GRB2: variants seen among roughly 807,000 people sequenced by gnomAD.
GRB2 encodes growth factor receptor-bound protein 2.
In GRB2, 2 loss-of-function variants were observed where a neutral mutation model predicts 27.4. The ratio of observed to expected loss-of-function variants is 0.07; its 90% CI spans 0.03 to 0.23. GRB2 has a LOEUF of 0.23. GRB2 is among the 10% of genes least tolerant of loss of function. GRB2 has a pLI of 1.00. For missense variants in GRB2, 102 were observed against 282.4 expected, an observed-to-expected ratio of 0.36 and a Z score of 4.58; for synonymous variants, 94 against 99.6, an observed-to-expected ratio of 0.94 and a Z score of 0.33.
At chr17:75,344,416 G>C (rs971084697) in intron 2 of GRB2, 3 of 135,704 alleles carry the variant, frequency 2.2e-5, no homozygotes, top group African/African-American at 8.6e-5. Flanking sequence ...TTTTCAGACA[G>C]AGTCTTGCTT....
At chr17:75,365,773 G>C (rs902020389) in intron 2 of GRB2, among the ~76,000 whole-genome samples, 1 of 152,186 alleles carries the variant, frequency 6.6e-6, no homozygotes, top group Admixed American at 6.5e-5. Context: ...TTAATAACCA[G>C]TGGGTGCCCA....
At chr17:75,337,901 CTAT>C (rs71361670) in intron 2 of GRB2, among the ~76,000 whole-genome samples, 1,677 of 117,096 alleles carry the variant, frequency 0.014, 14 homozygotes, top group South Asian at 0.055. Flanking sequence ...ACTACTACTA[CTAT>C]TATTATTATT....
chr17:75,321,590 C>A, intron 5 of GRB2, 69 bp downstream of exon 5: 1 of 1,469,326 alleles, frequency 6.8e-7, no homozygotes, highest in Non-Finnish European at 9.4e-7. Flanking sequence ...CTCCCCTTTC[C>A]TACAGGAATG....
intron 2 of GRB2, among the ~76,000 whole-genome samples, chr17:75,392,076 T>C (rs1211818615): frequency 6.6e-6 from 1 of 152,200 alleles, no homozygotes. Context: ...AAGTGGGTTA[T>C]CTACAGAAAA....
At chr17:75,354,184 T>C (rs982732363) in intron 2 of GRB2, among the ~76,000 whole-genome samples, 1 of 149,280 alleles carries the variant, frequency 6.7e-6, no homozygotes, top group Non-Finnish European at 1.5e-5. Context: ...TGAACAGCAT[T>C]TTCCCTCAGA....
chr17:75,338,009 C>G (rs2078592937), intron 2 of GRB2, among the ~76,000 whole-genome samples: 1 of 149,426 alleles, frequency 6.7e-6, no homozygotes, highest in Non-Finnish European at 1.5e-5. Flanking sequence ...CGGCTCACTG[C>G]AACCTCCGCC....
At chr17:75,375,365 T>C (rs2145858229) in intron 2 of GRB2, among the ~76,000 whole-genome samples, 1 of 144,816 alleles carries the variant, frequency 6.9e-6, no homozygotes, top group East Asian at 2.1e-4. Flanking sequence ...GGTAGTTAAA[T>C]CCATTTGAAC....
chr17:75,403,565 G>A (rs2079077859), intron 1 of GRB2, among the ~76,000 whole-genome samples: 1 of 151,938 alleles, frequency 6.6e-6, no homozygotes, highest in South Asian at 2.1e-4. Context: ...AGGAATTCGA[G>A]ACCAGCCTGG....
chr17:75,402,291 G>C (rs183247282), intron 1 of GRB2, among the ~76,000 whole-genome samples: 1 of 152,086 alleles, frequency 6.6e-6, no homozygotes, highest in Non-Finnish European at 1.5e-5. Context: ...AAAATCTTTC[G>C]TCTGAGTCTA....
chr17:75,328,055 C>A (rs1382020083), intron 3 of GRB2, among the ~76,000 whole-genome samples: 2 of 152,122 alleles, frequency 1.3e-5, no homozygotes, highest in African/African-American at 4.8e-5. Context: ...GGGCCCGGTA[C>A]CTCATGCCTG....
intron 2 of GRB2, among the ~76,000 whole-genome samples, chr17:75,351,032 G>C (rs55805625): frequency 0.053 from 8,080 of 152,124 alleles, 296 homozygotes; most frequent in Middle Eastern, 0.13. Context: ...TAGGATGATG[G>C]TTCTGGCTTG....
chr17:75,367,784 G>A (rs1182911748), intron 2 of GRB2, among the ~76,000 whole-genome samples: 1 of 151,914 alleles, frequency 6.6e-6, no homozygotes, highest in African/African-American at 2.4e-5. Flanking sequence ...TATTTCCTCG[G>A]CCTCAAAGCC....
At chr17:75,374,027 C>A (rs1333373736) in intron 2 of GRB2, among the ~76,000 whole-genome samples, 1 of 151,578 alleles carries the variant, frequency 6.6e-6, no homozygotes, top group Non-Finnish European at 1.5e-5. Context: ...AATCTCCTGA[C>A]CTCACGATCC....
chr17:75,404,860 T>C (rs1449963580), intron 1 of GRB2: 1 of 152,174 alleles, frequency 6.6e-6, no homozygotes, highest in East Asian at 1.9e-4. Context: ...GAGGGCGCGC[T>C]GCAAATGAAA....
chr17:75,366,358 A>G (rs1000402867), intron 2 of GRB2, among the ~76,000 whole-genome samples: 5 of 152,190 alleles, frequency 3.3e-5, no homozygotes, highest in African/African-American at 1.2e-4. Flanking sequence ...TTTTTCTAAA[A>G]GGCAAGTTAT....
intron 2 of GRB2, among the ~76,000 whole-genome samples, chr17:75,334,978 G>C (rs2078567249): frequency 6.6e-6 from 1 of 151,566 alleles, no homozygotes; most frequent in South Asian, 2.1e-4. Context: ...TCAGCCTCCT[G>C]AGTACCTGGG....
At chr17:75,324,803 CA>C (rs1253394723) in intron 4 of GRB2, among the ~76,000 whole-genome samples, 1 of 152,042 alleles carries the variant, frequency 6.6e-6, no homozygotes, top group Non-Finnish European at 1.5e-5. Context: ...TGGCTGGAAG[CA>C]GTGGCTCCAG....
At chr17:75,364,631 C>T (rs778610984) in intron 2 of GRB2, among the ~76,000 whole-genome samples, 46 of 152,146 alleles carry the variant, frequency 3.0e-4, no homozygotes, top group Admixed American at 2.1e-3. Context: ...CAAAGATCAT[C>T]GTCCATACTA....
At chr17:75,368,104 G>A (rs763787176) in intron 2 of GRB2, among the ~76,000 whole-genome samples, 3 of 151,928 alleles carry the variant, frequency 2.0e-5, no homozygotes, top group South Asian at 2.1e-4. Flanking sequence ...TTGTAGAGAC[G>A]GAGTTTTGCC....
Sources: gnomAD v4.1 joint callset for allele counts (sites outside exome capture counted in the v4.1 genomes callset) on GRCh38, gnomAD v4.1.1 for gene constraint, MANE v1.5 for transcripts, NCBI Gene and HGNC (gene_info 2026-07-23, HGNC 2026-07-21) for gene names.